Variants in MYO1B observed in about 807,000 individuals in gnomAD.
MYO1B encodes the protein unconventional myosin-Ib.
In MYO1B, 72 loss-of-function variants were observed where a neutral mutation model predicts 159.7. The ratio of observed to expected loss-of-function variants is 0.45; its 90% confidence interval spans 0.37 to 0.55. The LOEUF (loss-of-function observed/expected upper bound fraction) is 0.55. MYO1B is among the 20% of genes least tolerant of loss of function. The pLI is 0.00. For missense variants in MYO1B, 1,062 were observed against 1,364.8 expected (o/e 0.78, Z 3.50); for synonymous variants, 468 against 473.8 (o/e 0.99, Z 0.16).
chr2:191,301,773 T>A (rs1689348099), intron 3 of MYO1B, among the ~76,000 whole-genome samples: 1 of 152,230 alleles, frequency 6.6e-6, no homozygotes, highest in African/African-American at 2.4e-5. Flanking sequence ...ACTGTGACAG[T>A]GCACCTTCAG....
chr2:191,294,179 T>A (rs1241974633), intron 2 of MYO1B, among the ~76,000 whole-genome samples: 2 of 152,186 alleles, frequency 1.3e-5, no homozygotes, highest in East Asian at 3.8e-4. Context: ...TTACTGTGGC[T>A]TTTGATTTTG....
intron 3 of MYO1B, among the ~76,000 whole-genome samples, chr2:191,317,367 G>A (rs1226054700): frequency 2.6e-5 from 4 of 152,218 alleles, no homozygotes; most frequent in Non-Finnish European, 4.4e-5. Flanking sequence ...GATAGGAGCA[G>A]CATATTCTCA....
intron 1 of MYO1B, among the ~76,000 whole-genome samples, chr2:191,258,882 A>G (rs1686624728): frequency 1.3e-5 from 2 of 152,236 alleles, no homozygotes; most frequent in South Asian, 4.1e-4. Context: ...GTAAAATGTT[A>G]AAGGAAACTT....
chr2:191,303,247 T>C (rs6737307), intron 3 of MYO1B, among the ~76,000 whole-genome samples: 80,469 of 151,932 alleles, frequency 0.53, 22,058 homozygotes, highest in East Asian at 0.65. Flanking sequence ...AGAGCTCTTA[T>C]TGCAAGTAGA....
chr2:191,313,067 G>A (rs1046909767), intron 3 of MYO1B, among the ~76,000 whole-genome samples: 5 of 151,924 alleles, frequency 3.3e-5, no homozygotes, highest in Non-Finnish European at 4.4e-5. Context: ...CACAACAAAG[G>A]TTTGTTTCTC....
intron 3 of MYO1B, among the ~76,000 whole-genome samples, chr2:191,297,359 C>T (rs980827971): frequency 1.3e-5 from 2 of 152,202 alleles, no homozygotes; most frequent in South Asian, 2.1e-4. Flanking sequence ...TGCAGCATAA[C>T]ATCTTTTATG....
chr2:191,309,178 C>T (rs887239941), intron 3 of MYO1B, among the ~76,000 whole-genome samples: 2 of 152,182 alleles, frequency 1.3e-5, no homozygotes, highest in African/African-American at 2.4e-5. Context: ...TCAAACCAGA[C>T]TTAGGATTGC....
intron 1 of MYO1B, among the ~76,000 whole-genome samples, chr2:191,259,904 A>G (rs1232114247): frequency 6.6e-6 from 1 of 152,108 alleles, no homozygotes; most frequent in African/African-American, 2.4e-5. Flanking sequence ...GACTGTTGAA[A>G]TGCAAGGTCC....
At chr2:191,410,919 G>A in intron 26 of MYO1B, 147 bp from the exon 27 acceptor site, 1 of 546,184 alleles carries the variant, frequency 1.8e-6, no homozygotes, top group Non-Finnish European at 3.2e-6. Context: ...AACCCACAAG[G>A]GAAAAATGTT....
At chr2:191,343,374 G>A (rs1046021526) in intron 5 of MYO1B, among the ~76,000 whole-genome samples, 3 of 152,144 alleles carry the variant, frequency 2.0e-5, no homozygotes, top group East Asian at 1.9e-4. Context: ...AGAGGCTCCC[G>A]AACACTGAGT....
intron 13 of MYO1B, among the ~76,000 whole-genome samples, chr2:191,372,908 G>C (rs904471749): frequency 1.2e-4 from 7 of 60,704 alleles, no homozygotes; most frequent in African/African-American, 5.2e-4. Context: ...TTTTTTTTGT[G>C]ACGGAGTCTC....
chr2:191,329,840 A>G (rs567512802), intron 3 of MYO1B, 95 bp from the exon 4 acceptor site: 1 of 936,754 alleles, frequency 1.1e-6, no homozygotes, highest in African/African-American at 1.7e-5. Context: ...CCAAAAGCAT[A>G]TCACAGTGGC....
intron 17 of MYO1B, 48 bp from the exon 18 acceptor site, chr2:191,390,244 A>G (rs760782152): frequency 7.2e-6 from 11 of 1,530,504 alleles, no homozygotes; most frequent in South Asian, 1.2e-5. Context: ...ATAGACAATT[A>G]TATCCATAGG....
intron 13 of MYO1B, chr2:191,370,896 A>G (rs1380253314): frequency 6.6e-6 from 1 of 152,252 alleles, no homozygotes; most frequent in Non-Finnish European, 1.5e-5. Flanking sequence ...AATTTTTTAA[A>G]ATGATTCTAT....
intron 24 of MYO1B, chr2:191,407,866 A>G (rs1697023981): frequency 6.8e-6 from 2 of 296,032 alleles, no homozygotes. Context: ...AAATCATCAG[A>G]TTCTTCAAAA....
rs138918795 is a variant in MYO1B at position 191,303,417 on chromosome 2, C to G, written c.251+7191C>G. Among the ~76,000 whole-genome samples, 503 of 152,232 alleles carry G rather than the reference C, an allele frequency of 3.3e-3. 7 individuals are homozygous for G. The highest frequency in any genetic ancestry group is 0.012 in the African/African-American group (492 of 41,540). ...GTTGAGCCCTTAAATTGATCCAGTA[C>G]GTCTCCACAAATAAGTTGCAGAAAA... On this transcript the variant is annotated intron_variant, in intron 3 of 30. Coordinates refer to ENST00000392318, the MANE Select transcript of MYO1B (RefSeq NM_001130158.3).
chr2:191,364,181 A>G lies in MYO1B; in HGVS notation c.937A>G (p.Thr313Ala), dbSNP rs139492822. 189 of 1,613,796 alleles carry G rather than the reference A, an allele frequency of 1.2e-4. No homozygotes were observed. Among genetic ancestry groups the G allele is most frequent in the Non-Finnish European group, 1.6e-4 (185 of 1,179,852 alleles). The change falls in exon 11 of 31, where the codon ACC becomes GCC. Residue 313 changes from threonine to alanine, a missense_variant. Transcript: ENST00000392318. ...AGAGTTAAAAGAAATTTGTGAATTG[A>G]CCGGCATTGATCAATCAGTTCTAGA... ...KNELKEICEL[T>A]GIDQSVLERA...
chr2:191,414,261 G>A, intron 28 of MYO1B, 81 bp downstream of exon 28: 2 of 1,501,160 alleles, frequency 1.3e-6, no homozygotes, highest in South Asian at 1.4e-5. Flanking sequence ...GTAAAAATTT[G>A]CATTTCATGT....
At chr2:191,395,177 C>T (rs1695992791) in intron 20 of MYO1B, among the ~76,000 whole-genome samples, 1 of 152,136 alleles carries the variant, frequency 6.6e-6, no homozygotes. Flanking sequence ...GTACCAAATG[C>T]GTGTCAGAAT....
Sources: gnomAD v4.1 joint callset for allele counts (sites outside exome capture counted in the v4.1 genomes callset) on GRCh38, gnomAD v4.1.1 for gene constraint, MANE v1.5 for transcripts, NCBI Gene and HGNC (gene_info 2026-07-23, HGNC 2026-07-21) for gene names.